The following NSG1 variants were observed in gnomAD, a reference collection of about 807,000 sequenced individuals.
NSG1 encodes neuronal vesicle trafficking associated 1.
In NSG1, 9 loss-of-function variants were observed where a neutral mutation model predicts 19.3. The observed-to-expected ratio is 0.47, with a 90% CI of 0.28 to 0.81. The LOEUF (loss-of-function observed/expected upper bound fraction) is 0.81, where lower values mean the gene tolerates loss of function less well. NSG1 is among the 40% of genes least tolerant of loss of function. The probability of loss-of-function intolerance (pLI) is 0.11; values close to 1 mark genes in which losing one functional copy is unlikely to be tolerated. For synonymous variants in NSG1, 104 were observed against 107.0 expected, an observed-to-expected ratio of 0.97 and a Z score of 0.17; for missense variants, 236 against 242.4, an observed-to-expected ratio of 0.97 and a Z score of 0.18.
At chr4:4,399,343 A>G (rs754976123) in intron 3 of NSG1, among the ~76,000 whole-genome samples, 14 of 152,162 alleles carry the variant, frequency 9.2e-5, no homozygotes, top group Admixed American at 2.6e-4. Flanking sequence ...GGGTTTCACT[A>G]TGTTGCCCAG....
intron 3 of NSG1, among the ~76,000 whole-genome samples, chr4:4,404,458 G>A (rs1444650120): frequency 6.6e-6 from 1 of 152,232 alleles, no homozygotes; most frequent in Admixed American, 6.5e-5. Flanking sequence ...CCTTTGCAGG[G>A]TCACTGCGTG....
chr4:4,417,667 G>C lies in NSG1; in HGVS notation c.*232G>C. ...GCTCTGACACCACTTTTCATGTTAA[G>C]ATCTTCATTTAGCTCCTTTACTGGG... On this transcript the variant is annotated 3_prime_UTR_variant, in exon 5 of 5. Coordinates refer to ENST00000621129, the MANE Select transcript of NSG1 (RefSeq NM_014392.5). The C allele has an allele frequency of 5.5e-6, 3 of 544,016 alleles. No individual in the cohort carries two copies. 33.7% of individuals were successfully genotyped at this position (544,016 alleles called of 1,614,324 possible). A position where few individuals can be genotyped will look rare whatever the true frequency, so the allele number is the denominator to read the frequency against.
Position 4,417,247 on chromosome 4 carries a change from A to C in NSG1, c.370A>C (p.Ile124Leu). The C allele has an allele frequency of 3.7e-6, 6 of 1,614,062 alleles. No individual in the cohort carries two copies. In the South Asian group the frequency reaches 5.5e-5, roughly 15 times the overall value. Reference protein sequence around the residue: ...DGFVLKNTQCIPEGLESYYAE... With the variant: ...DGFVLKNTQCLPEGLESYYAE... The stretch of plus-strand genomic sequence containing the variant: ...TCTTGTCTTTCAGAACACCCAGTGC[A>C]TCCCAGAAGGCTTGGAGAGCTACTA... Residue 124 changes from isoleucine to leucine, a missense_variant, in exon 5 of 5, where the codon ATC becomes CTC. Physicochemically the swap from Ile to Leu is conservative, Grantham distance 5. Coordinates refer to ENST00000621129, the MANE Select transcript of NSG1 (RefSeq NM_014392.5).
At chr4:4,407,331 G>A (rs1004329406) in intron 3 of NSG1, among the ~76,000 whole-genome samples, 2 of 152,168 alleles carry the variant, frequency 1.3e-5, no homozygotes, top group African/African-American at 2.4e-5. Context: ...TCCCTCCCTA[G>A]GTGAAGGGAC....
At chr4:4,404,466 G>A (rs193030516) in intron 3 of NSG1, among the ~76,000 whole-genome samples, 10 of 152,332 alleles carry the variant, frequency 6.6e-5, no homozygotes, top group African/African-American at 1.4e-4. Flanking sequence ...GGGTCACTGC[G>A]TGTGGCCGAG....
intron 3 of NSG1, among the ~76,000 whole-genome samples, chr4:4,404,009 G>A (rs765135978): frequency 6.6e-6 from 1 of 152,180 alleles, no homozygotes; most frequent in Admixed American, 6.5e-5. Context: ...TTGCTATGCC[G>A]CTATCGCTAC....
intron 1 of NSG1, 43 bp from the exon 2 acceptor site, chr4:4,387,561 C>CGGGGGGGGGG: frequency 7.9e-6 from 9 of 1,141,972 alleles, no homozygotes; most frequent in Non-Finnish European, 8.7e-6. Flanking sequence ...CGCCCCGCCC[C>CGGGGGGGGGG]GGGTCTTGCT....
chr4:4,390,901 G>A (rs61086021), intron 2 of NSG1, among the ~76,000 whole-genome samples: 10,360 of 151,616 alleles, frequency 0.068, 827 homozygotes, highest in African/African-American at 0.19. Flanking sequence ...AATGAGAGCA[G>A]GGAGACCCTT....
intron 3 of NSG1, among the ~76,000 whole-genome samples, chr4:4,398,513 A>T (rs1723389290): frequency 6.6e-6 from 1 of 151,888 alleles, no homozygotes; most frequent in African/African-American, 2.4e-5. Context: ...TATTCTAGAC[A>T]TGTCATAGAA....
At chr4:4,402,988 A>T (rs1195518572) in intron 3 of NSG1, among the ~76,000 whole-genome samples, 1 of 152,200 alleles carries the variant, frequency 6.6e-6, no homozygotes, top group Non-Finnish European at 1.5e-5. Context: ...CTGCAAACTA[A>T]ATCCACGTTC....
chr4:4,399,442 C>T (rs1353083214), intron 3 of NSG1, among the ~76,000 whole-genome samples: 5 of 145,318 alleles, frequency 3.4e-5, no homozygotes, highest in Non-Finnish European at 4.6e-5. Context: ...CTCACCCAGC[C>T]GTGTTTTTGT....
chr4:4,409,717 C>T (rs371764015), intron 4 of NSG1, 34 bp downstream of exon 4: 24 of 1,502,278 alleles, frequency 1.6e-5, no homozygotes, highest in Admixed American at 1.0e-4. Context: ...GGCCCTGGGA[C>T]GCCTTTGCAC....
At chr4:4,408,944 A>G (rs1231138448) in intron 3 of NSG1, among the ~76,000 whole-genome samples, 7 of 152,236 alleles carry the variant, frequency 4.6e-5, no homozygotes, top group African/African-American at 1.7e-4. Context: ...ACACCAGCTG[A>G]ACACCTACTG....
At chr4:4,410,502 C>T (rs370611109) in intron 4 of NSG1, among the ~76,000 whole-genome samples, 7 of 152,302 alleles carry the variant, frequency 4.6e-5, no homozygotes, top group East Asian at 3.9e-4. Context: ...AGGGTATGGC[C>T]GACTGCTCCT....
chr4:4,416,654 C>T (rs535160846), intron 4 of NSG1, among the ~76,000 whole-genome samples: 24 of 152,270 alleles, frequency 1.6e-4, no homozygotes, highest in African/African-American at 2.6e-4. Context: ...AGTGCTGTCT[C>T]GCACTCCCCC....
At chr4:4,411,770 AAAC>A (rs1218417700) in intron 4 of NSG1, among the ~76,000 whole-genome samples, 1 of 133,468 alleles carries the variant, frequency 7.5e-6, no homozygotes, top group Non-Finnish European at 1.5e-5. Context: ...AAACAAAACA[AAAC>A]AAAACAAAAC....
At chr4:4,409,773 C>G (rs1724071509) in intron 4 of NSG1, 90 bp downstream of exon 4, 1 of 1,040,274 alleles carries the variant, frequency 9.6e-7, no homozygotes, top group Non-Finnish European at 1.5e-6. Context: ...GCCGTCTCCC[C>G]CAGCTGGCCC....
chr4:4,408,471 T>C (rs150522282), intron 3 of NSG1, among the ~76,000 whole-genome samples: 352 of 152,218 alleles, frequency 2.3e-3, no homozygotes, highest in African/African-American at 7.7e-3. Context: ...TATTGATTGA[T>C]TTATTTTGAG....
At chr4:4,407,782 A>G (rs1374076138) in intron 3 of NSG1, among the ~76,000 whole-genome samples, 1 of 151,948 alleles carries the variant, frequency 6.6e-6, no homozygotes, top group Non-Finnish European at 1.5e-5. Flanking sequence ...TGTCATAGGG[A>G]AGGAGTCTGT....
Sources: gnomAD v4.1 joint callset for allele counts (sites outside exome capture counted in the v4.1 genomes callset) on GRCh38, gnomAD v4.1.1 for gene constraint, MANE v1.5 for transcripts, NCBI Gene and HGNC (gene_info 2026-07-23, HGNC 2026-07-21) for gene names.